Variants in ENTHD1 observed in about 807,000 individuals in gnomAD.
ENTHD1 encodes ENTH domain containing 1, also known as ENTH domain-containing protein 1.
ENTHD1 carries 23 observed loss-of-function variants against 39.1 expected under a neutral mutation model. The observed-to-expected ratio is 0.59, with a 90% CI of 0.42 to 0.83. The LOEUF (loss-of-function observed/expected upper bound fraction) is 0.83. Ranked by LOEUF, ENTHD1 falls within the 40% of genes least tolerant of loss-of-function variation. The pLI is 0.00. For synonymous variants in ENTHD1, 230 were observed against 258.2 expected (o/e 0.89, Z 1.05); for missense variants, 624 against 705.4 (o/e 0.88, Z 1.31).
At chr22:39,878,378 TAAC>T (rs2066308456) in intron 2 of ENTHD1, among the ~76,000 whole-genome samples, 1 of 151,712 alleles carries the variant, frequency 6.6e-6, no homozygotes, top group East Asian at 1.9e-4. Context: ...AGAGACACAG[TAAC>T]AGGAGAAATA....
intron 5 of ENTHD1, 29 bp from the exon 6 acceptor site, chr22:39,765,638 C>A (rs942065207): frequency 5.8e-6 from 9 of 1,544,224 alleles, no homozygotes; most frequent in African/African-American, 1.4e-5. Flanking sequence ...GAGCTATAAT[C>A]AAAAAATAAA....
chr22:39,771,906 A>G (rs2146570047), intron 5 of ENTHD1, among the ~76,000 whole-genome samples: 1 of 152,364 alleles, frequency 6.6e-6, no homozygotes, highest in Admixed American at 6.5e-5. Context: ...GAAGAAATAA[A>G]GAGTTCTAGA....
At chr22:39,881,627 G>A (rs1601667145) in intron 2 of ENTHD1, among the ~76,000 whole-genome samples, 2 of 152,156 alleles carry the variant, frequency 1.3e-5, no homozygotes, top group African/African-American at 2.4e-5. Context: ...CCCTGCTGTC[G>A]TGAAATTTAC....
chr22:39,755,747 A>G (rs1029793247), intron 6 of ENTHD1, among the ~76,000 whole-genome samples: 5 of 152,198 alleles, frequency 3.3e-5, no homozygotes, highest in African/African-American at 4.8e-5. Flanking sequence ...GTACACTTGA[A>G]TAATAATAGC....
intron 2 of ENTHD1, among the ~76,000 whole-genome samples, chr22:39,883,103 T>C (rs2066353259): frequency 1.3e-5 from 2 of 152,150 alleles, no homozygotes; most frequent in Admixed American, 1.3e-4. Flanking sequence ...TTTCATTAAT[T>C]TTTATTAGTG....
At chr22:39,792,808 C>T (rs1208164761) in intron 5 of ENTHD1, among the ~76,000 whole-genome samples, 1 of 151,762 alleles carries the variant, frequency 6.6e-6, no homozygotes, top group Admixed American at 6.6e-5. Context: ...TGTATATATA[C>T]CACGTTTTCT....
intron 4 of ENTHD1, among the ~76,000 whole-genome samples, chr22:39,834,829 C>T (rs1024479525): frequency 6.6e-6 from 1 of 152,180 alleles, no homozygotes; most frequent in Non-Finnish European, 1.5e-5. Context: ...GACAACCTGT[C>T]GGCCCCCCAG....
intron 5 of ENTHD1, among the ~76,000 whole-genome samples, chr22:39,780,553 A>T (rs2065401023): frequency 6.6e-6 from 1 of 152,188 alleles, no homozygotes; most frequent in Non-Finnish European, 1.5e-5. Flanking sequence ...CTGGAAACCA[A>T]AAAAGAGTGG....
chr22:39,766,018 A>C (rs943227360), intron 5 of ENTHD1, among the ~76,000 whole-genome samples: 1 of 99,960 alleles, frequency 1.0e-5, no homozygotes, highest in Non-Finnish European at 2.0e-5. Context: ...ACCCTCAGCT[A>C]CAAAAAAAAA....
At chr22:39,887,925 A>T in intron 1 of ENTHD1, 22 bp from the exon 2 acceptor site, 1 of 531,382 alleles carries the variant, frequency 1.9e-6, no homozygotes, top group South Asian at 3.6e-5. Flanking sequence ...GCACAAAAAA[A>T]TTTACATTAA....
At chr22:39,753,814 A>G (rs975230882) in intron 6 of ENTHD1, among the ~76,000 whole-genome samples, 2 of 152,106 alleles carry the variant, frequency 1.3e-5, no homozygotes. Flanking sequence ...CTCCTCTGAA[A>G]CCTGTTTTCC....
Position 39,744,221 on chromosome 22 carries a change from C to A in ENTHD1, c.1282G>T (p.Ala428Ser), listed in dbSNP as rs2065086132. 1.2e-6 allele frequency: 2 copies of A among 1,613,694 alleles called. No individual in the cohort carries two copies. The highest frequency in any genetic ancestry group is 1.3e-5 in the African/African-American group (1 of 74,880). The change falls in exon 7 of 7, where the codon GCC (alanine) becomes TCC (serine). Residue 428 changes from alanine to serine, a missense_variant. Physicochemically the swap from Ala to Ser is moderately conservative, Grantham distance 99. Transcript: ENST00000325157. Reference sequence around the variant, plus strand: ...AGATGAGCTGACTTCTCTGGAGAGGCTAAATCAGGAGATGACATGGATAAA... The same window carrying A: ...AGATGAGCTGACTTCTCTGGAGAGGATAAATCAGGAGATGACATGGATAAA... ...SPLSMSSPDL[A>S]SPEKSAHLLS...
intron 3 of ENTHD1, among the ~76,000 whole-genome samples, chr22:39,852,145 C>A (rs2146706743): frequency 6.6e-6 from 1 of 150,836 alleles, no homozygotes; most frequent in African/African-American, 2.4e-5. Flanking sequence ...CCTTCCTGGG[C>A]AACATGGTGA....
rs2065271147 is a variant in ENTHD1 at position 39,765,691 on chromosome 22, T to C, written c.833-82A>G. 2.3e-6 allele frequency: 3 copies of C among 1,313,274 alleles called. No individual in the cohort carries two copies. The Admixed American group carries it at 7.1e-5, about 31-fold the overall frequency. The allele number at this position is 1,313,274 out of a possible 1,614,324, so 81.4% of individuals were successfully genotyped here. ...TCAAATCTGTTATAATTTTAATAAA[T>C]AGGATTTTTTAATGTCATAACAGAA... On this transcript the variant is annotated intron_variant, in intron 5 of 6. Transcript: ENST00000325157.
intron 4 of ENTHD1, among the ~76,000 whole-genome samples, chr22:39,827,054 C>G (rs1322386352): frequency 6.8e-6 from 1 of 147,774 alleles, no homozygotes; most frequent in African/African-American, 2.5e-5. Flanking sequence ...CTCTCTCTGT[C>G]ACCCAGGCTG....
chr22:39,775,294 C>T (rs1054395149), intron 5 of ENTHD1, among the ~76,000 whole-genome samples: 10 of 152,134 alleles, frequency 6.6e-5, no homozygotes, highest in African/African-American at 2.4e-4. Context: ...TCCTATTCAA[C>T]TTGTTTAACC....
Position 39,856,865 on chromosome 22 carries a change from AAAAG to A in ENTHD1, c.592+4896_592+4899del, listed in dbSNP as rs1264812049. 9.3e-4 allele frequency among the ~76,000 whole-genome samples: 139 copies of A among 149,418 alleles called. 1 individual carries two copies. The highest frequency in any genetic ancestry group is 9.2e-3 in the South Asian group (44 of 4,788). ...AAGACCCTGTCTCAAAAAAAAAAAAAAAAGAAAGAAAGAAAAGGAAAAGAAAAAG... is the reference window on the plus strand; with the variant it reads ...AAGACCCTGTCTCAAAAAAAAAAAAAAAAGAAAGAAAAGGAAAAGAAAAAG... On this transcript the variant is annotated intron_variant, in intron 3 of 6. Transcript: ENST00000325157.
intron 3 of ENTHD1, among the ~76,000 whole-genome samples, chr22:39,860,869 A>G (rs949951955): frequency 5.9e-5 from 9 of 152,226 alleles, no homozygotes; most frequent in African/African-American, 2.2e-4. Flanking sequence ...AGAAAAGATG[A>G]TAGCATTTTT....
intron 5 of ENTHD1, among the ~76,000 whole-genome samples, chr22:39,775,710 G>C (rs1268231912): frequency 6.6e-6 from 1 of 152,154 alleles, no homozygotes; most frequent in Non-Finnish European, 1.5e-5. Context: ...CAGGACCGTG[G>C]GAATGGGAAT....
Sources: allele counts gnomAD v4.1 joint callset (sites outside exome capture counted in the v4.1 genomes callset), GRCh38; gene constraint gnomAD v4.1.1; transcripts MANE v1.5; gene names NCBI Gene and HGNC (gene_info 2026-07-23, HGNC 2026-07-21).